The following ZMYM2 variants were observed in gnomAD, a reference collection of about 807,000 sequenced individuals.
ZMYM2 encodes the protein zinc finger MYM-type protein 2.
Under a neutral mutation model 162.8 loss-of-function variants are expected in ZMYM2, and 56 were observed. The observed-to-expected ratio is 0.34, with a 90% CI of 0.28 to 0.43. ZMYM2 has a LOEUF of 0.43. ZMYM2 is among the 20% of genes least tolerant of loss of function. The probability of loss-of-function intolerance (pLI) is 1.00; values close to 1 mark genes in which losing one functional copy is unlikely to be tolerated. For missense variants in ZMYM2, 1,275 were observed against 1,621.8 expected (o/e 0.79, Z 3.67); for synonymous variants, 510 against 541.6 (o/e 0.94, Z 0.81).
the ZMYM2 span, among the ~76,000 whole-genome samples, chr13:19,941,446 A>G: frequency 6.6e-6 from 1 of 152,154 alleles, no homozygotes; most frequent in Non-Finnish European, 1.5e-5. Flanking sequence ...AGGTTCAGAG[A>G]TCTCTATCCT....
chr13:20,035,014 G>A (rs1953550954), intron 11 of ZMYM2, among the ~76,000 whole-genome samples: 1 of 152,108 alleles, frequency 6.6e-6, no homozygotes, highest in Non-Finnish European at 1.5e-5. Flanking sequence ...ATGGGTTTTG[G>A]GGTTGTGTTA....
At chr13:19,986,729 A>G (rs1949176525) in intron 2 of ZMYM2, among the ~76,000 whole-genome samples, 1 of 152,158 alleles carries the variant, frequency 6.6e-6, no homozygotes, top group East Asian at 1.9e-4. Flanking sequence ...TTTAATGGTT[A>G]TTATGGACCA....
chr13:20,072,180 CTCT>C (rs1957137540), intron 21 of ZMYM2: 1 of 153,184 alleles, frequency 6.5e-6, no homozygotes, highest in Non-Finnish European at 1.5e-5. Context: ...CTTGAAAGTT[CTCT>C]TGTCTTTACC....
chr13:20,030,678 A>T (rs376349389), intron 9 of ZMYM2, among the ~76,000 whole-genome samples: 18 of 152,168 alleles, frequency 1.2e-4, no homozygotes, highest in African/African-American at 4.1e-4. Context: ...GATTACAGGC[A>T]TGAGCCACCA....
chr13:19,943,686 G>A, the ZMYM2 span, among the ~76,000 whole-genome samples: 1 of 152,112 alleles, frequency 6.6e-6, no homozygotes, highest in Non-Finnish European at 1.5e-5. Context: ...AGGGTGGATG[G>A]GAATGGGGCA....
chr13:20,060,871 A>C (rs936018564), intron 16 of ZMYM2, among the ~76,000 whole-genome samples, 182 bp from the exon 17 acceptor site: 1 of 152,188 alleles, frequency 6.6e-6, no homozygotes, highest in African/African-American at 2.4e-5. Flanking sequence ...AATTCCAAAA[A>C]GTAGATGCTT....
upstream of ZMYM2, among the ~76,000 whole-genome samples, chr13:19,953,932 T>G (rs1188543370): frequency 6.6e-6 from 1 of 151,528 alleles, no homozygotes; most frequent in Non-Finnish European, 1.5e-5. Context: ...TATACTAGAA[T>G]GGATAATATT....
At chr13:20,078,116 G>A (rs936684958) in intron 21 of ZMYM2, among the ~76,000 whole-genome samples, 1 of 151,894 alleles carries the variant, frequency 6.6e-6, no homozygotes, top group African/African-American at 2.4e-5. Context: ...ACTGCACCTG[G>A]CCAGTTTTAA....
intron 18 of ZMYM2, among the ~76,000 whole-genome samples, chr13:20,063,807 A>AT (rs1421212893): frequency 0.012 from 142 of 11,958 alleles, 2 homozygotes; most frequent in Middle Eastern, 0.1. Context: ...AAAAATATAT[A>AT]ATATATATAA....
At chr13:20,003,952 T>C (rs753963051) in intron 4 of ZMYM2, among the ~76,000 whole-genome samples, 5 of 152,168 alleles carry the variant, frequency 3.3e-5, no homozygotes, top group African/African-American at 4.8e-5. Flanking sequence ...CCCAGCCCTC[T>C]TCTGCTGTTT....
At chr13:20,011,307 G>C (rs1350816932) in intron 6 of ZMYM2, among the ~76,000 whole-genome samples, 2 of 152,002 alleles carry the variant, frequency 1.3e-5, no homozygotes, top group Non-Finnish European at 2.9e-5. Context: ...TCAGATTTTA[G>C]GTTTTTCAAA....
chr13:19,866,740 T>A, the ZMYM2 span, among the ~76,000 whole-genome samples: 640 of 151,966 alleles, frequency 4.2e-3, 2 homozygotes, highest in African/African-American at 0.015. Flanking sequence ...TACAAAAAAT[T>A]TTAAAAATTA....
the ZMYM2 span, among the ~76,000 whole-genome samples, chr13:19,930,868 G>A: frequency 1.3e-5 from 2 of 151,276 alleles, no homozygotes; most frequent in South Asian, 2.1e-4. Flanking sequence ...GGCCGGGCGC[G>A]GTGGCTCATG....
chr13:20,019,832 TTTAG>T (rs751828211), intron 7 of ZMYM2: 69 of 514,542 alleles, frequency 1.3e-4, no homozygotes, highest in Non-Finnish European at 2.0e-4. Context: ...CTCATTTGTC[TTTAG>T]TTATTTATGT....
At position 20,029,781 on chromosome 13, in the gene ZMYM2, T is replaced by C. The variant is rs60327505; in HGVS notation, c.1852-1538T>C. On this transcript the variant is annotated intron_variant, in intron 9 of 24. Transcript: ENST00000610343. ...ATCTGTCAGTGTCCATGTATGCTTATATTGTGTCTTATTCTGTAAATTTTT... is the reference window on the plus strand; with the variant it reads ...ATCTGTCAGTGTCCATGTATGCTTACATTGTGTCTTATTCTGTAAATTTTT... Among the ~76,000 whole-genome samples, 976 of 152,192 alleles carry C rather than the reference T, an allele frequency of 6.4e-3. 18 individuals carry two copies. The highest frequency in any genetic ancestry group is 0.022 in the African/African-American group (908 of 41,520).
rs1280575024 is a variant in ZMYM2 at position 20,002,774 on chromosome 13, T to G, written c.848-76T>G. On this transcript the variant is annotated intron_variant, in intron 3 of 24. Coordinates refer to ENST00000610343, the MANE Select transcript of ZMYM2 (RefSeq NM_197968.4). ...AATTGTACAAAATGGGAAGTTAATATTTCTCTGATATAAATTTTAATATGT... is the reference window on the plus strand; with the variant it reads ...AATTGTACAAAATGGGAAGTTAATAGTTCTCTGATATAAATTTTAATATGT... 3 of 1,517,788 alleles carry G rather than the reference T, an allele frequency of 2.0e-6. No individual in the cohort carries two copies. The African/African-American group carries it at 4.2e-5, about 21-fold the overall frequency. The allele number at this position is 1,517,788 out of a possible 1,614,324, so 94.0% of individuals were successfully genotyped here. A position where few individuals can be genotyped will look rare whatever the true frequency, so the allele number is the denominator to read the frequency against.
At chr13:19,906,284 G>GTGTATATATATATA in the ZMYM2 span, among the ~76,000 whole-genome samples, 1 of 63,792 alleles carries the variant, frequency 1.6e-5, no homozygotes, top group African/African-American at 6.0e-5. Flanking sequence ...TCAAAAAAAA[G>GTGTATATATATATA]TATATATATA....
At chr13:19,908,351 C>G in the ZMYM2 span, among the ~76,000 whole-genome samples, 1 of 151,402 alleles carries the variant, frequency 6.6e-6, no homozygotes, top group Admixed American at 6.6e-5. Flanking sequence ...GCAGTGGAGT[C>G]CCTCTTACTA....
rs879836736 is a variant in ZMYM2 at position 19,991,060 on chromosome 13, GTGTGTACGTATGTATTTTC to G, written c.-10-1997_-10-1979del. ...AGAAATTTTCTCTCTGTGTGTGTGT[GTGTGTACGTATGTATTTTC>G]TGTGTGTGTGTGTGTGTGTGTGTGT... is the stretch of plus-strand genomic sequence containing the variant. On this transcript the variant is annotated intron_variant, in intron 2 of 24. Transcript: ENST00000610343. Among the ~76,000 whole-genome samples, 972 of 139,032 alleles carry G rather than the reference GTGTGTACGTATGTATTTTC, an allele frequency of 7.0e-3. 12 individuals carry two copies. Among genetic ancestry groups the G allele is most frequent in the Admixed American group, 0.012 (173 of 14,100 alleles). 91.2% of individuals were successfully genotyped at this position (139,032 alleles called of 152,430 possible).
Sources: gnomAD v4.1 joint callset for allele counts (sites outside exome capture counted in the v4.1 genomes callset) on GRCh38, gnomAD v4.1.1 for gene constraint, MANE v1.5 for transcripts, NCBI Gene and HGNC (gene_info 2026-07-23, HGNC 2026-07-21) for gene names.